FAM120B: variants seen among roughly 807,000 people sequenced by gnomAD.
FAM120B encodes the protein constitutive coactivator of peroxisome proliferator-activated receptor gamma.
Under a neutral mutation model 96.3 loss-of-function variants are expected in FAM120B, and 83 were observed. That is an observed-to-expected ratio of 0.86 (90% CI 0.72 to 1.03). The LOEUF is 1.03. Ranked by LOEUF, FAM120B falls within the 50% of genes least tolerant of loss-of-function variation. The pLI is 0.00. For synonymous variants in FAM120B, 407 were observed against 402.7 expected, an observed-to-expected ratio of 1.01 and a Z score of -0.13; for missense variants, 1,027 against 1,121.2, an observed-to-expected ratio of 0.92 and a Z score of 1.20.
intron 4 of FAM120B, among the ~76,000 whole-genome samples, chr6:170,331,777 T>A (rs950152139): frequency 2.0e-5 from 3 of 152,220 alleles, no homozygotes; most frequent in African/African-American, 7.2e-5. Flanking sequence ...AGAAATTGTA[T>A]AAGTATTAGA....
chr6:170,397,148 G>A (rs1255250459), intron 9 of FAM120B, among the ~76,000 whole-genome samples: 2 of 152,116 alleles, frequency 1.3e-5, no homozygotes, highest in Non-Finnish European at 2.9e-5. Context: ...TGCACATTAG[G>A]GCTGCTTGGG....
chr6:170,358,463 C>T, intron 6 of FAM120B, 145 bp downstream of exon 6: 5 of 641,032 alleles, frequency 7.8e-6, no homozygotes, highest in South Asian at 1.9e-5. Flanking sequence ...AGTTTGTCTT[C>T]GTCTCTTTAA....
chr6:170,307,082 T>C (rs1168295194), intron 1 of FAM120B, among the ~76,000 whole-genome samples: 1 of 152,236 alleles, frequency 6.6e-6, no homozygotes, highest in African/African-American at 2.4e-5. Flanking sequence ...TGCCGAGCCC[T>C]GGTCCGCGTC....
At chr6:170,338,901 T>G (rs1786626712) in intron 4 of FAM120B, among the ~76,000 whole-genome samples, 1 of 151,724 alleles carries the variant, frequency 6.6e-6, no homozygotes, top group South Asian at 2.1e-4. Flanking sequence ...ATCCCTTTAT[T>G]TTAAGCCTAT....
intron 5 of FAM120B, among the ~76,000 whole-genome samples, chr6:170,351,149 T>C (rs1787548310): frequency 6.6e-6 from 1 of 152,054 alleles, no homozygotes. Context: ...AACTTCACAG[T>C]GCAATTACAA....
upstream of FAM120B, among the ~76,000 whole-genome samples, chr6:170,291,580 C>A (rs1783875120): frequency 6.6e-6 from 1 of 152,152 alleles, no homozygotes; most frequent in Non-Finnish European, 1.5e-5. Flanking sequence ...GCGGGCGGAG[C>A]GGTGGGCCGA....
intron 4 of FAM120B, among the ~76,000 whole-genome samples, chr6:170,345,353 C>T (rs1304036042): frequency 6.6e-6 from 1 of 152,168 alleles, no homozygotes; most frequent in African/African-American, 2.4e-5. Context: ...CCTATAATCC[C>T]AGCTCTTTGG....
At chr6:170,347,982 A>C (rs1176442559) in intron 4 of FAM120B, among the ~76,000 whole-genome samples, 169 bp from the exon 5 acceptor site, 1 of 152,186 alleles carries the variant, frequency 6.6e-6, no homozygotes, top group Non-Finnish European at 1.5e-5. Context: ...CCAGCCCTTT[A>C]GGTTTGGGCT....
chr6:170,353,847 C>A (rs1255332376), intron 5 of FAM120B, among the ~76,000 whole-genome samples: 3 of 152,140 alleles, frequency 2.0e-5, no homozygotes, highest in Admixed American at 2.0e-4. Context: ...CCATATGGCC[C>A]AAAGTAATTT....
At chr6:170,316,210 A>G (rs9366202) in intron 1 of FAM120B, among the ~76,000 whole-genome samples, 19,666 of 152,236 alleles carry the variant, frequency 0.13, 1,445 homozygotes, top group East Asian at 0.31. Context: ...ATTAGAATGT[A>G]GATGTTAAAT....
Position 170,406,824 on chromosome 6 carries a change from CTG to C in FAM120B, c.*2076_*2077del, listed in dbSNP as rs1778819453. On this transcript the variant is annotated 3_prime_UTR_variant, in exon 11 of 11. Coordinates refer to ENST00000476287, the MANE Select transcript of FAM120B (RefSeq NM_032448.3). Reference sequence around the variant, plus strand: ...TCCCTTAGACTAAGAGAGTGGGTGTCTGTGAAAATTGTTTTCTCCTTCATAAT... The same window carrying C: ...TCCCTTAGACTAAGAGAGTGGGTGTCTGAAAATTGTTTTCTCCTTCATAAT... 7.9e-5 allele frequency: 12 copies of C among 152,146 alleles called. No individual in the cohort carries two copies. The highest frequency in any genetic ancestry group is 7.9e-4 in the Admixed American group (12 of 15,278). The allele number at this position is 152,146 out of a possible 1,614,324, so 9.4% of individuals were successfully genotyped here.
At chr6:170,395,378 G>C in intron 8 of FAM120B, 109 bp from the exon 9 acceptor site, 1 of 848,446 alleles carries the variant, frequency 1.2e-6, no homozygotes, top group Non-Finnish European at 1.9e-6. Flanking sequence ...TCTGATTTAA[G>C]TACGGGGATA....
chr6:170,381,263 A>G (rs1252756421), intron 6 of FAM120B, among the ~76,000 whole-genome samples: 1 of 152,216 alleles, frequency 6.6e-6, no homozygotes, highest in Non-Finnish European at 1.5e-5. Context: ...AAACAACTCT[A>G]CACACATGCA....
chr6:170,320,034 C>T (rs1202097129), intron 2 of FAM120B, among the ~76,000 whole-genome samples: 1 of 152,196 alleles, frequency 6.6e-6, no homozygotes, highest in Non-Finnish European at 1.5e-5. Context: ...TAGATCTTCT[C>T]AACAGCCCTG....
At chr6:170,358,587 A>G (rs747637307) in intron 6 of FAM120B, among the ~76,000 whole-genome samples, 6 of 152,220 alleles carry the variant, frequency 3.9e-5, no homozygotes, top group Non-Finnish European at 8.8e-5. Context: ...TGAAGAGAAT[A>G]GGTTATGTGG....
Position 170,370,631 on chromosome 6 carries a change from G to A in FAM120B, c.2283+12313G>A, listed in dbSNP as rs752280203. Among the ~76,000 whole-genome samples the A allele has an allele frequency of 5.3e-5, 8 of 152,084 alleles. No individual in the cohort carries two copies. The highest frequency in any genetic ancestry group is 1.2e-4 in the Non-Finnish European group (8 of 68,014). On this transcript the variant is annotated intron_variant, in intron 6 of 10. Transcript: ENST00000476287. The surrounding 1 kb of genome is among the most constrained non-coding windows in gnomAD (Gnocchi z 4.3). The stretch of plus-strand genomic sequence containing the variant: ...GATGTCCTAAATGACTAAAGAGGGC[G>A]GGGCAAGGCAGTAAAGGGGAAGAAC...
At chr6:170,354,263 A>G (rs1368291393) in intron 5 of FAM120B, among the ~76,000 whole-genome samples, 27 of 152,222 alleles carry the variant, frequency 1.8e-4, no homozygotes, top group Admixed American at 1.8e-3. Flanking sequence ...CTATATACAA[A>G]AATTAACTCA....
chr6:170,403,228 A>G (rs1332309682), intron 9 of FAM120B, among the ~76,000 whole-genome samples: 2 of 152,218 alleles, frequency 1.3e-5, no homozygotes, highest in Non-Finnish European at 2.9e-5. Flanking sequence ...TGTATGTTAT[A>G]CACACATGCA....
At chr6:170,358,345 C>G in intron 6 of FAM120B, 27 bp downstream of exon 6, 1 of 1,510,766 alleles carries the variant, frequency 6.6e-7, no homozygotes, top group Non-Finnish European at 9.1e-7. Context: ...TTAGTTGTCA[C>G]TGCCCGGAAG....
Sources: gnomAD v4.1 joint callset for allele counts (sites outside exome capture counted in the v4.1 genomes callset) on GRCh38, gnomAD v4.1.1 for gene constraint, Gnocchi (gnomAD v3.1) non-coding constraint, MANE v1.5 for transcripts, NCBI Gene and HGNC (gene_info 2026-07-23, HGNC 2026-07-21) for gene names.